The following LY86 variants were observed in gnomAD, a reference collection of about 807,000 sequenced individuals.
LY86 encodes the protein MD-1, RP105-associated.
LY86 carries 20 observed loss-of-function variants against 17.3 expected under a neutral mutation model. The observed-to-expected ratio is 1.15, with a 90% CI of 0.81 to 1.68. LY86 has a LOEUF of 1.68. Ranked by LOEUF, LY86 falls within the 40% of genes most tolerant of loss-of-function variation. The pLI is 0.00. For synonymous variants in LY86, 74 were observed against 70.6 expected (o/e 1.05, Z -0.24); for missense variants, 200 against 191.9 (o/e 1.04, Z -0.25).
chr6:6,636,892 C>CA (rs3842507), intron 3 of LY86, among the ~76,000 whole-genome samples: 5,830 of 131,254 alleles, frequency 0.044, 342 homozygotes, highest in African/African-American at 0.14. Context: ...CCTCGAACTG[C>CA]AAAAAAAAAA....
chr6:6,639,630 T>G (rs1370610348), intron 3 of LY86, among the ~76,000 whole-genome samples: 3 of 152,180 alleles, frequency 2.0e-5, no homozygotes, highest in Admixed American at 1.3e-4. Flanking sequence ...CATCTCCACC[T>G]GGCCTTCTCC....
chr6:6,599,099 T>C (rs1027798237), intron 1 of LY86, among the ~76,000 whole-genome samples: 1 of 152,226 alleles, frequency 6.6e-6, no homozygotes. Flanking sequence ...AAAAACTGCA[T>C]AGTTGTCTCT....
intron 1 of LY86, among the ~76,000 whole-genome samples, chr6:6,602,643 A>G (rs1269949640): frequency 1.3e-5 from 2 of 152,092 alleles, no homozygotes; most frequent in African/African-American, 4.8e-5. Context: ...GCAGGCCACC[A>G]CTGTGGGTAA....
intron 2 of LY86, among the ~76,000 whole-genome samples, chr6:6,625,940 C>T (rs959770378): frequency 2.0e-5 from 3 of 152,204 alleles, no homozygotes; most frequent in African/African-American, 7.2e-5. Flanking sequence ...CCACACCCCA[C>T]CGCCATCATG....
At chr6:6,611,880 C>T (rs914726218) in intron 1 of LY86, among the ~76,000 whole-genome samples, 9 of 152,044 alleles carry the variant, frequency 5.9e-5, no homozygotes, top group Non-Finnish European at 1.2e-4. Flanking sequence ...TTTTTCTGCA[C>T]CTACCAAAAA....
intron 1 of LY86, among the ~76,000 whole-genome samples, chr6:6,613,003 A>T (rs1049919082): frequency 3.3e-5 from 5 of 152,138 alleles, no homozygotes; most frequent in African/African-American, 4.8e-5. Flanking sequence ...CTTGAGCTAG[A>T]TACAGAGTGC....
chr6:6,603,168 G>C lies in LY86; in HGVS notation c.136+14298G>C, dbSNP rs1760967531. Among the ~76,000 whole-genome samples, 12 of 152,032 alleles carry C rather than the reference G, an allele frequency of 7.9e-5. 1 individual carries two copies. The highest frequency in any genetic ancestry group is 7.9e-4 in the Admixed American group (12 of 15,272). Reference sequence around the variant, plus strand: ...CACTTGTCCCATTCATGAGGGTGCTGCCCTCATGACCTGATGATGTCCCAA... The same window carrying C: ...CACTTGTCCCATTCATGAGGGTGCTCCCCTCATGACCTGATGATGTCCCAA... On this transcript the variant is annotated intron_variant, in intron 1 of 4. Transcript: ENST00000230568.
In LY86 at chr6:6,588,822, C is replaced by T. The variant is rs1363113980; in HGVS notation, c.88C>T (p.His30Tyr). The stretch of plus-strand genomic sequence containing the variant: ...CGGCGGTGGGAAAGCCTGGCCCACA[C>T]ACGTGGTCTGTAGCGACAGCGGCTT... ...GGGGGKAWPT[H>Y]VVCSDSGLEV... The change falls in exon 1 of 5, where the codon CAC becomes TAC. Residue 30 changes from histidine to tyrosine, a missense_variant. Physicochemically the swap from His to Tyr is moderately conservative, Grantham distance 83. Transcript: ENST00000230568. The T allele has an allele frequency of 5.0e-6, 8 of 1,614,038 alleles. 1 individual carries two copies. In the African/African-American group the frequency reaches 5.3e-5, roughly 11 times the overall value.
intron 1 of LY86, among the ~76,000 whole-genome samples, chr6:6,610,073 C>A (rs1032673464): frequency 2.0e-5 from 3 of 152,224 alleles, no homozygotes; most frequent in Admixed American, 6.5e-5. Context: ...ACACATGAGC[C>A]ACCACGCCCA....
In LY86 at chr6:6,645,007, A is replaced by G. The variant is rs552950339; in HGVS notation, c.353-4618A>G. Among the ~76,000 whole-genome samples, 29 of 152,382 alleles carry G rather than the reference A, an allele frequency of 1.9e-4. No individual in the cohort carries two copies. In the East Asian group the frequency reaches 5.2e-3, roughly 27 times the overall value. Reference sequence around the variant, plus strand: ...CTGTAAACTGTAAGAGACCAATTTAATGAAAACCTCTCAGCCCAGTGAAGG... The same window carrying G: ...CTGTAAACTGTAAGAGACCAATTTAGTGAAAACCTCTCAGCCCAGTGAAGG... On this transcript the variant is annotated intron_variant, in intron 3 of 4. Transcript: ENST00000230568.
chr6:6,645,409 G>T (rs1762094005), intron 3 of LY86, among the ~76,000 whole-genome samples: 1 of 152,094 alleles, frequency 6.6e-6, no homozygotes. Context: ...CTATGGGGAG[G>T]CATTGCTATT....
intron 1 of LY86, among the ~76,000 whole-genome samples, chr6:6,612,438 C>G (rs2326812): frequency 6.6e-6 from 1 of 152,090 alleles, no homozygotes; most frequent in Non-Finnish European, 1.5e-5. Context: ...AAACCGCAAA[C>G]CTTCATGGGG....
intron 3 of LY86, among the ~76,000 whole-genome samples, chr6:6,631,537 G>A (rs1361037574): frequency 1.3e-5 from 2 of 152,234 alleles, no homozygotes; most frequent in Non-Finnish European, 2.9e-5. Flanking sequence ...TTCTCAAAGT[G>A]TGGTCCTCAG....
chr6:6,623,013 G>A (rs1195385558), intron 1 of LY86, among the ~76,000 whole-genome samples: 1 of 152,156 alleles, frequency 6.6e-6, no homozygotes, highest in Non-Finnish European at 1.5e-5. Context: ...ACATCTCCGA[G>A]TCTATATTTT....
At chr6:6,645,174 A>T (rs1762091857) in intron 3 of LY86, among the ~76,000 whole-genome samples, 1 of 152,198 alleles carries the variant, frequency 6.6e-6, no homozygotes. Flanking sequence ...AAAAAAAGGC[A>T]CAGACAGAAC....
chr6:6,588,972 G>A lies in LY86; in HGVS notation c.136+102G>A, dbSNP rs890461013. The A allele has an allele frequency of 1.2e-4, 176 of 1,415,242 alleles. 2 individuals are homozygous for A. Among genetic ancestry groups the A allele is most frequent in the Non-Finnish European group, 2.5e-5 (26 of 1,055,864 alleles). The allele number at this position is 1,415,242 out of a possible 1,614,324, so 87.7% of individuals were successfully genotyped here. ...GGAGTTGGGGTGGGAGGGGAGAGGG[G>A]ACCAGCAGCTGAACACTTTCTCCAC... On this transcript the variant is annotated intron_variant, in intron 1 of 4. Transcript: ENST00000230568.
At chr6:6,611,985 T>C (rs1461366190) in intron 1 of LY86, among the ~76,000 whole-genome samples, 1 of 62,976 alleles carries the variant, frequency 1.6e-5, no homozygotes, top group African/African-American at 1.0e-4. Flanking sequence ...ATCTACCCCC[T>C]TAACTGAGTA....
chr6:6,591,060 GAAGC>G (rs1760511337), intron 1 of LY86: 2 of 153,868 alleles, frequency 1.3e-5, no homozygotes, highest in African/African-American at 4.8e-5. Flanking sequence ...TGCAGGATGA[GAAGC>G]AAGATGTGAG....
intron 3 of LY86, among the ~76,000 whole-genome samples, chr6:6,647,963 TCACATACACACACACA>T (rs1554126764): frequency 4.7e-5 from 6 of 127,888 alleles, no homozygotes; most frequent in South Asian, 2.6e-4. Context: ...TCTTCAATCA[TCACATACACACACACA>T]CACACACACA....
Sources: gnomAD v4.1 joint callset for allele counts (sites outside exome capture counted in the v4.1 genomes callset) on GRCh38, gnomAD v4.1.1 for gene constraint, MANE v1.5 for transcripts, NCBI Gene and HGNC (gene_info 2026-07-23, HGNC 2026-07-21) for gene names.